Variants in ACTR3B observed in about 807,000 individuals in gnomAD.
ACTR3B encodes the protein actin related protein 3B.
ACTR3B carries 8 observed loss-of-function variants against 59.0 expected under a neutral mutation model. The ratio of observed to expected loss-of-function variants is 0.14; its 90% CI spans 0.08 to 0.24. The LOEUF (loss-of-function observed/expected upper bound fraction) is 0.24, where lower values mean the gene tolerates loss of function less well. ACTR3B is among the 10% of genes least tolerant of loss of function. ACTR3B has a pLI of 1.00. For missense variants in ACTR3B, 245 were observed against 552.3 expected (o/e 0.44, Z 5.58); for synonymous variants, 148 against 197.9 (o/e 0.75, Z 2.12).
At chr7:152,844,431 C>G (rs1302450751) in intron 9 of ACTR3B, among the ~76,000 whole-genome samples, 1 of 151,930 alleles carries the variant, frequency 6.6e-6, no homozygotes, top group Non-Finnish European at 1.5e-5. Context: ...TAATATTTGC[C>G]TTTTACATAA....
intron 2 of ACTR3B, among the ~76,000 whole-genome samples, chr7:152,794,304 A>G (rs2098208087): frequency 6.6e-6 from 1 of 151,884 alleles, no homozygotes; most frequent in South Asian, 2.1e-4. Context: ...TGCAACCTCC[A>G]CCTCCTGGGT....
chr7:152,811,523 A>T (rs35771851), intron 4 of ACTR3B: 2 of 152,322 alleles, frequency 1.3e-5, no homozygotes, highest in African/African-American at 2.4e-5. Context: ...ACTATTTTTT[A>T]AAAATGTTAT....
At chr7:152,804,193 T>C (rs1449446464) in intron 4 of ACTR3B, among the ~76,000 whole-genome samples, 1 of 152,184 alleles carries the variant, frequency 6.6e-6, no homozygotes, top group South Asian at 2.1e-4. Flanking sequence ...GGAACTCCAC[T>C]CTTCCCCAAT....
At chr7:152,814,725 C>T (rs1182284301) in intron 5 of ACTR3B, 80 bp downstream of exon 5, 20 of 1,109,786 alleles carry the variant, frequency 1.8e-5, no homozygotes, top group African/African-American at 4.8e-5. Flanking sequence ...CAAGGTTCTC[C>T]GCTGGAAGAC....
In ACTR3B at chr7:152,854,430, C is replaced by T; in HGVS notation, c.1162-28C>T. The T allele has an allele frequency of 1.2e-6, 2 of 1,601,102 alleles. No homozygotes were observed. The highest frequency in any genetic ancestry group is 1.3e-5 in the African/African-American group (1 of 74,710). ...CTTGACTTTCTTCTGAAATGAGTGT[C>T]TTTCTGTCTGCCTGTTGCCTCTCGT... On this transcript the variant is annotated intron_variant, in intron 11 of 11. Coordinates refer to ENST00000256001, the MANE Select transcript of ACTR3B (RefSeq NM_020445.6). The surrounding 1 kb of genome is among the most constrained non-coding windows in gnomAD (Gnocchi z 4.9).
intron 2 of ACTR3B, among the ~76,000 whole-genome samples, chr7:152,792,049 G>A (rs1245663359): frequency 1.3e-5 from 2 of 151,964 alleles, no homozygotes; most frequent in African/African-American, 2.4e-5. Flanking sequence ...CCACCACCAC[G>A]CCCGGCTAAT....
chr7:152,787,749 C>T (rs1034410356), intron 2 of ACTR3B, among the ~76,000 whole-genome samples: 5 of 151,886 alleles, frequency 3.3e-5, no homozygotes, highest in Non-Finnish European at 7.4e-5. Context: ...ATCTGTGTTC[C>T]GTACGTTCCA....
At position 152,842,250 on chromosome 7, in the gene ACTR3B, G is replaced by C. The variant is rs930074985; in HGVS notation, c.952-9876G>C. On this transcript the variant is annotated intron_variant, in intron 9 of 11. Coordinates refer to ENST00000256001, the MANE Select transcript of ACTR3B (RefSeq NM_020445.6). Reference sequence around the variant, plus strand: ...AAAGTTTATAAATTAGGCACAGTAAGAGACTAGCAGCAATAACTAATAATA... The same window carrying C: ...AAAGTTTATAAATTAGGCACAGTAACAGACTAGCAGCAATAACTAATAATA... 7.2e-5 allele frequency among the ~76,000 whole-genome samples: 11 copies of C among 152,300 alleles called. No homozygotes were observed. The South Asian group carries it at 1.5e-3, about 20-fold the overall frequency.
intron 1 of ACTR3B, among the ~76,000 whole-genome samples, chr7:152,766,248 G>A (rs1261557444): frequency 6.6e-6 from 1 of 152,192 alleles, no homozygotes; most frequent in African/African-American, 2.4e-5. Flanking sequence ...CAGCCGTGCA[G>A]GATGCAGTTA....
intron 9 of ACTR3B, among the ~76,000 whole-genome samples, chr7:152,842,088 C>T: frequency 6.6e-6 from 1 of 152,184 alleles, no homozygotes; most frequent in Non-Finnish European, 1.5e-5. Context: ...GATTTGACTT[C>T]CCGAAGTTTC....
chr7:152,853,272 G>A (rs376456640), intron 10 of ACTR3B, among the ~76,000 whole-genome samples: 3 of 152,024 alleles, frequency 2.0e-5, no homozygotes, highest in Non-Finnish European at 2.9e-5. Context: ...GCTGCTTGCC[G>A]GGTGCACTGT....
At chr7:152,769,929 T>A (rs1437695312) in intron 1 of ACTR3B, among the ~76,000 whole-genome samples, 2 of 151,968 alleles carry the variant, frequency 1.3e-5, no homozygotes, top group Non-Finnish European at 2.9e-5. Context: ...TCAACAAATT[T>A]ATTATATTTT....
chr7:152,777,935 G>A (rs2098140347), intron 1 of ACTR3B, among the ~76,000 whole-genome samples: 1 of 149,596 alleles, frequency 6.7e-6, no homozygotes, highest in East Asian at 1.9e-4. Context: ...GGGTGACAGA[G>A]CAAGACTCCG....
In ACTR3B at chr7:152,780,011, C is replaced by T. The variant is rs533506782; in HGVS notation, c.45-3176C>T. 1.2e-4 allele frequency among the ~76,000 whole-genome samples: 18 copies of T among 152,194 alleles called. No homozygotes were observed. In the East Asian group the frequency reaches 3.1e-3, roughly 26 times the overall value. The stretch of plus-strand genomic sequence containing the variant: ...CTTTTGCCAGTGTTTTTAAAAATAA[C>T]GTCAGTTCTGCTAGGAGGGTAAGGA... On this transcript the variant is annotated intron_variant, in intron 1 of 11. Coordinates refer to ENST00000256001, the MANE Select transcript of ACTR3B (RefSeq NM_020445.6).
intron 9 of ACTR3B, among the ~76,000 whole-genome samples, chr7:152,828,502 G>C (rs946023325): frequency 2.4e-4 from 37 of 152,190 alleles, no homozygotes; most frequent in Middle Eastern, 3.4e-3. Context: ...GTGCGGTGGA[G>C]AGCATGCCCC....
At chr7:152,835,713 C>T (rs921819754) in intron 9 of ACTR3B, among the ~76,000 whole-genome samples, 8 of 152,172 alleles carry the variant, frequency 5.3e-5, no homozygotes, top group Non-Finnish European at 1.2e-4. Flanking sequence ...CTAGACTGCA[C>T]CTCGGCGCTT....
intron 4 of ACTR3B, among the ~76,000 whole-genome samples, chr7:152,809,947 C>T (rs1353066736): frequency 6.6e-6 from 1 of 151,938 alleles, no homozygotes; most frequent in Non-Finnish European, 1.5e-5. Flanking sequence ...TAAAAAAAAC[C>T]CTAATACTAT....
intron 2 of ACTR3B, among the ~76,000 whole-genome samples, chr7:152,799,967 A>G (rs1321024941): frequency 1.3e-5 from 2 of 152,234 alleles, no homozygotes; most frequent in African/African-American, 2.4e-5. Flanking sequence ...ATTTTTATGT[A>G]ATAGTTATTT....
intron 7 of ACTR3B, 93 bp downstream of exon 7, chr7:152,820,535 C>G: frequency 6.7e-7 from 1 of 1,488,110 alleles, no homozygotes; most frequent in Non-Finnish European, 9.0e-7. Flanking sequence ...CTCCTCCTTT[C>G]CTTCCTCTCC....
Sources: allele counts gnomAD v4.1 joint callset (sites outside exome capture counted in the v4.1 genomes callset), GRCh38; gene constraint gnomAD v4.1.1; non-coding constraint Gnocchi (gnomAD v3.1); transcripts MANE v1.5; gene names NCBI Gene and HGNC (gene_info 2026-07-23, HGNC 2026-07-21).